PDE10A: variants seen among roughly 807,000 people sequenced by gnomAD.
PDE10A encodes the protein phosphodiesterase 10A.
A neutral mutation model predicts 97.7 loss-of-function variants in PDE10A; 39 were observed. The observed-to-expected ratio is 0.40, with a 90% confidence interval of 0.31 to 0.52. PDE10A has a LOEUF of 0.52. Ranked by LOEUF, PDE10A falls within the 20% of genes least tolerant of loss-of-function variation. The pLI is 0.56. For missense variants in PDE10A, 731 were observed against 1,047.8 expected (o/e 0.70, Z 4.17); for synonymous variants, 371 against 376.8 (o/e 0.98, Z 0.18).
Position 165,388,188 on chromosome 6 carries a change from A to G in PDE10A, c.2610+110T>C, listed in dbSNP as rs1785436231. The G allele has an allele frequency of 2.3e-6, 2 of 853,270 alleles. No individual in the cohort carries two copies. Among genetic ancestry groups the G allele is most frequent in the Non-Finnish European group, 1.9e-6 (1 of 532,612 alleles). The allele number at this position is 853,270 out of a possible 1,614,324, so 52.9% of individuals were successfully genotyped here. ...AATATAAGGTTCTACAATAAAAAGT[A>G]GCTGTTGCTTTTAAGGAAGCCATAA... On this transcript the variant is annotated intron_variant, in intron 17 of 21. Transcript: ENST00000539869. This position sits in a 1 kb window ranked among gnomAD's most constrained non-coding sequence, Gnocchi z 4.0.
At chr6:165,875,232 G>C (rs944483232) in intron 1 of PDE10A, among the ~76,000 whole-genome samples, 2 of 152,154 alleles carry the variant, frequency 1.3e-5, no homozygotes, top group Non-Finnish European at 2.9e-5. Context: ...GATAACATCA[G>C]GAGAGGTTGC....
At chr6:165,934,046 C>A (rs1783240197) in intron 1 of PDE10A, among the ~76,000 whole-genome samples, 1 of 151,528 alleles carries the variant, frequency 6.6e-6, no homozygotes. Flanking sequence ...TGTACTGGTG[C>A]CATCTCGGCT....
At chr6:165,877,951 GC>G (rs776064057) in intron 1 of PDE10A, among the ~76,000 whole-genome samples, 3 of 152,192 alleles carry the variant, frequency 2.0e-5, no homozygotes, top group Non-Finnish European at 2.9e-5. Flanking sequence ...AAGTGACGGA[GC>G]CTGGATAAAA....
At chr6:165,953,931 C>T (rs1726820474) in intron 1 of PDE10A, among the ~76,000 whole-genome samples, 1 of 152,216 alleles carries the variant, frequency 6.6e-6, no homozygotes, top group African/African-American at 2.4e-5. Flanking sequence ...TCTCCATCCT[C>T]CCGAGCCCCG....
At chr6:165,547,579 T>C (rs766579255) in intron 1 of PDE10A, among the ~76,000 whole-genome samples, 8 of 152,170 alleles carry the variant, frequency 5.3e-5, no homozygotes, top group Non-Finnish European at 8.8e-5. Context: ...TAATTGCTTC[T>C]ATGGTTAATG....
chr6:165,703,431 C>A (rs998045897), intron 1 of PDE10A, among the ~76,000 whole-genome samples: 1 of 152,204 alleles, frequency 6.6e-6, no homozygotes, highest in African/African-American at 2.4e-5. Context: ...GATAACCCAC[C>A]ACTAGGCTCC....
chr6:165,359,716 T>G (rs959603848), intron 18 of PDE10A, among the ~76,000 whole-genome samples: 2 of 152,206 alleles, frequency 1.3e-5, no homozygotes, highest in African/African-American at 2.4e-5. Flanking sequence ...GGTCCTATTT[T>G]CCTGCTTCTT....
chr6:165,704,051 G>A (rs1791644958), intron 1 of PDE10A, among the ~76,000 whole-genome samples: 1 of 152,188 alleles, frequency 6.6e-6, no homozygotes, highest in African/African-American at 2.4e-5. Flanking sequence ...CGTTCACCAA[G>A]GAGGGAGTAA....
intron 1 of PDE10A, among the ~76,000 whole-genome samples, chr6:165,585,581 C>A (rs954416871): frequency 2.8e-4 from 43 of 152,160 alleles, no homozygotes; most frequent in Non-Finnish European, 3.4e-4. Flanking sequence ...CTGCCACAAG[C>A]CAAGGAATGC....
intron 1 of PDE10A, among the ~76,000 whole-genome samples, chr6:165,738,525 C>T (rs1202704320): frequency 6.6e-6 from 1 of 151,836 alleles, no homozygotes; most frequent in Admixed American, 6.6e-5. Context: ...TGGGTATATA[C>T]CCAGTAATGG....
At chr6:165,722,783 G>C (rs577132786) in intron 1 of PDE10A, among the ~76,000 whole-genome samples, 1 of 151,994 alleles carries the variant, frequency 6.6e-6, no homozygotes, top group Non-Finnish European at 1.5e-5. Context: ...CTGAGCCTGC[G>C]AAAACATCGG....
intron 1 of PDE10A, among the ~76,000 whole-genome samples, chr6:165,573,226 A>T (rs1396280509): frequency 6.6e-6 from 1 of 151,178 alleles, no homozygotes; most frequent in African/African-American, 2.4e-5. Flanking sequence ...TACTGCGCAG[A>T]CTTTTCACTA....
chr6:165,559,469 T>C (rs371964302), intron 1 of PDE10A, among the ~76,000 whole-genome samples: 3 of 152,220 alleles, frequency 2.0e-5, no homozygotes, highest in African/African-American at 7.2e-5. Flanking sequence ...GAAAATTACA[T>C]ACTGTCTCAT....
At chr6:165,863,408 T>C (rs1183584954) in intron 1 of PDE10A, among the ~76,000 whole-genome samples, 1 of 152,192 alleles carries the variant, frequency 6.6e-6, no homozygotes, top group African/African-American at 2.4e-5. Flanking sequence ...TTTAATGTCA[T>C]CACTAGAAAG....
At chr6:165,385,459 A>G (rs1349014350) in intron 17 of PDE10A, among the ~76,000 whole-genome samples, 6 of 152,200 alleles carry the variant, frequency 3.9e-5, no homozygotes, top group Non-Finnish European at 7.3e-5. Context: ...GTGGTGGGCC[A>G]ATGAGAAGAA....
chr6:165,953,393 C>T (rs1583338221), intron 1 of PDE10A, among the ~76,000 whole-genome samples: 1 of 152,106 alleles, frequency 6.6e-6, no homozygotes, highest in Non-Finnish European at 1.5e-5. Flanking sequence ...GAGTTCAAGA[C>T]TCACCTGACC....
chr6:165,623,519 G>A (rs1291224940), intron 1 of PDE10A, among the ~76,000 whole-genome samples: 1 of 150,312 alleles, frequency 6.7e-6, no homozygotes. Flanking sequence ...AAAAAAAACA[G>A]ATAAACCTAA....
At position 165,900,301 on chromosome 6, in the gene PDE10A, A is replaced by G. The variant is rs185535562; in HGVS notation, c.-615+87228T>C. Among the ~76,000 whole-genome samples, 8 of 152,180 alleles carry G rather than the reference A, an allele frequency of 5.3e-5. No individual in the cohort carries two copies. The East Asian group carries it at 1.5e-3, about 29-fold the overall frequency. The stretch of plus-strand genomic sequence containing the variant: ...ATCCTAACCAACATGGAGAAACCCT[A>G]TCTCTACTAAAAATACAAAAATTAG... On this transcript the variant is annotated intron_variant, in intron 1 of 19. Transcript: ENST00000366882.
At chr6:165,744,104 A>AT (rs1792791715) in intron 1 of PDE10A, among the ~76,000 whole-genome samples, 1 of 152,186 alleles carries the variant, frequency 6.6e-6, no homozygotes, top group Non-Finnish European at 1.5e-5. Context: ...CCATTTAAAA[A>AT]TTTTTCTGCG....
Sources: gnomAD v4.1 joint callset for allele counts (sites outside exome capture counted in the v4.1 genomes callset) on GRCh38, gnomAD v4.1.1 for gene constraint, Gnocchi (gnomAD v3.1) non-coding constraint, MANE v1.5 for transcripts, NCBI Gene and HGNC (gene_info 2026-07-23, HGNC 2026-07-21) for gene names.